Variants in MTHFD2L observed in about 807,000 individuals in gnomAD.
MTHFD2L encodes methylenetetrahydrofolate dehydrogenase (NADP+ dependent) 2 like.
MTHFD2L carries 29 observed loss-of-function variants against 34.9 expected under a neutral mutation model. The ratio of observed to expected loss-of-function variants is 0.83; its 90% CI spans 0.62 to 1.13. The LOEUF is 1.13. MTHFD2L is among the 50% of genes most tolerant of loss of function. The pLI is 0.00. For missense variants in MTHFD2L, 481 were observed against 446.5 expected (o/e 1.08, Z -0.70); for synonymous variants, 167 against 155.7 (o/e 1.07, Z -0.54).
At chr4:74,217,932 C>T (rs1737471088) in intron 5 of MTHFD2L, among the ~76,000 whole-genome samples, 1 of 152,076 alleles carries the variant, frequency 6.6e-6, no homozygotes, top group Admixed American at 6.6e-5. Context: ...AACAATCTGT[C>T]TTCCCTGACA....
chr4:74,201,643 T>C (rs1734457092), intron 5 of MTHFD2L, among the ~76,000 whole-genome samples: 1 of 151,614 alleles, frequency 6.6e-6, no homozygotes, highest in South Asian at 2.1e-4. Context: ...GCAAAGCTAC[T>C]AGATACAAAA....
At chr4:74,167,437 TAAAG>T (rs1726955964) in intron 1 of MTHFD2L, among the ~76,000 whole-genome samples, 1 of 152,012 alleles carries the variant, frequency 6.6e-6, no homozygotes, top group South Asian at 2.1e-4. Context: ...ATAATTGACA[TAAAG>T]AAATGGAGAG....
At chr4:74,163,427 C>G (rs972728194) in intron 1 of MTHFD2L, among the ~76,000 whole-genome samples, 2 of 152,080 alleles carry the variant, frequency 1.3e-5, no homozygotes, top group African/African-American at 4.8e-5. Flanking sequence ...TTCTTTCTGA[C>G]AAAGTTAGTT....
chr4:74,293,999 CCTT>C lies in MTHFD2L; in HGVS notation c.932-7691_932-7689del, dbSNP rs143321168. On this transcript the variant is annotated intron_variant, in intron 7 of 7. Transcript: ENST00000325278. ...TGCCTTGCCACAGATAAGGAATCATCCTTCTTCTTTTTGGGGGAGGGAGTTGAC... is the reference window on the plus strand; with the variant it reads ...TGCCTTGCCACAGATAAGGAATCATCCTTCTTTTTGGGGGAGGGAGTTGAC... Among the ~76,000 whole-genome samples, 1,434 of 152,184 alleles carry C rather than the reference CCTT, an allele frequency of 9.4e-3. 26 individuals are homozygous for C. The highest frequency in any genetic ancestry group is 0.033 in the African/African-American group (1,357 of 41,520).
At chr4:74,141,700 A>T (rs969798229) in intron 1 of MTHFD2L, among the ~76,000 whole-genome samples, 26 of 152,198 alleles carry the variant, frequency 1.7e-4, no homozygotes, top group Non-Finnish European at 1.0e-4. Flanking sequence ...CATCCATAAA[A>T]TAGGATAATT....
intron 6 of MTHFD2L, among the ~76,000 whole-genome samples, chr4:74,236,905 T>G (rs561937516): frequency 2.1e-3 from 320 of 151,538 alleles, no homozygotes; most frequent in African/African-American, 7.5e-3. Context: ...TCTTTTTAGG[T>G]TTTTTTTTAA....
intron 1 of MTHFD2L, among the ~76,000 whole-genome samples, chr4:74,138,911 C>G (rs1723119404): frequency 6.6e-6 from 1 of 152,250 alleles, no homozygotes; most frequent in Non-Finnish European, 1.5e-5. Context: ...TCTTTACCTC[C>G]TACTTTAGCC....
intron 5 of MTHFD2L, among the ~76,000 whole-genome samples, chr4:74,217,816 G>T (rs964302381): frequency 6.0e-5 from 9 of 149,124 alleles, no homozygotes; most frequent in African/African-American, 2.3e-4. Flanking sequence ...TAAGTAATAT[G>T]CTCTCCTCAT....
intron 2 of MTHFD2L, among the ~76,000 whole-genome samples, chr4:74,115,578 C>T (rs1721643246): frequency 6.6e-6 from 1 of 152,230 alleles, no homozygotes; most frequent in African/African-American, 2.4e-5. Flanking sequence ...TCAGTATGAA[C>T]ATGCCTTCAT....
At chr4:74,157,005 C>A (rs1290703688), upstream of MTHFD2L, 3 of 151,940 alleles carry the variant, frequency 2.0e-5, no homozygotes, top group Admixed American at 1.3e-4. Flanking sequence ...TGATTTGTTT[C>A]TTTATTAACA....
At chr4:74,230,864 A>G (rs962399578) in intron 6 of MTHFD2L, among the ~76,000 whole-genome samples, 4 of 152,142 alleles carry the variant, frequency 2.6e-5, no homozygotes, top group African/African-American at 9.7e-5. Context: ...AATTCTAGGA[A>G]TCTTCATTAT....
At chr4:74,295,987 C>T (rs999241355) in intron 7 of MTHFD2L, among the ~76,000 whole-genome samples, 3 of 152,154 alleles carry the variant, frequency 2.0e-5, no homozygotes, top group Admixed American at 1.3e-4. Flanking sequence ...ATATCACTGC[C>T]GTGGCTCAAT....
chr4:74,209,309 C>T (rs1036958031), intron 5 of MTHFD2L, among the ~76,000 whole-genome samples: 2 of 152,082 alleles, frequency 1.3e-5, no homozygotes, highest in Admixed American at 6.6e-5. Flanking sequence ...TGTCATCTAC[C>T]GTAGGTATTT....
Position 74,286,192 on chromosome 4 carries a change from C to A in MTHFD2L, c.931+4642C>A, listed in dbSNP as rs115722031. Among the ~76,000 whole-genome samples, 512 of 152,274 alleles carry A rather than the reference C, an allele frequency of 3.4e-3. 3 individuals are homozygous for A. The highest frequency in any genetic ancestry group is 0.012 in the African/African-American group (492 of 41,564). On this transcript the variant is annotated intron_variant, in intron 7 of 7. Transcript: ENST00000325278. ...ATTCCTCTTCTATTACTTGAACATACTTCCTCCCTCCTAACTTATGTCATT... is the reference window on the plus strand; with the variant it reads ...ATTCCTCTTCTATTACTTGAACATAATTCCTCCCTCCTAACTTATGTCATT...
chr4:74,146,812 A>G (rs1035742596), intron 1 of MTHFD2L, among the ~76,000 whole-genome samples: 1 of 152,126 alleles, frequency 6.6e-6, no homozygotes, highest in Non-Finnish European at 1.5e-5. Context: ...TATATCTTAT[A>G]GGCAATCTTC....
At chr4:74,147,072 A>T (rs1723637224) in intron 1 of MTHFD2L, among the ~76,000 whole-genome samples, 1 of 152,134 alleles carries the variant, frequency 6.6e-6, no homozygotes, top group African/African-American at 2.4e-5. Flanking sequence ...TTTCCTTAAA[A>T]ACGGTTCCCT....
intron 7 of MTHFD2L, among the ~76,000 whole-genome samples, chr4:74,293,117 A>G (rs1303140949): frequency 1.3e-5 from 2 of 152,160 alleles, no homozygotes; most frequent in East Asian, 1.9e-4. Context: ...ACATAGGTAT[A>G]CAAGTGTCAT....
At chr4:74,193,765 C>G (rs1732988148) in intron 3 of MTHFD2L, among the ~76,000 whole-genome samples, 1 of 152,098 alleles carries the variant, frequency 6.6e-6, no homozygotes, top group Non-Finnish European at 1.5e-5. Flanking sequence ...CTTATATTGA[C>G]TTTGTAATCT....
chr4:74,274,537 G>A (rs1687419804), intron 6 of MTHFD2L, among the ~76,000 whole-genome samples: 4 of 152,204 alleles, frequency 2.6e-5, no homozygotes, highest in African/African-American at 7.2e-5. Context: ...ATTTACAACA[G>A]AAGTTCTTGA....
Sources: gnomAD v4.1 joint callset for allele counts (sites outside exome capture counted in the v4.1 genomes callset) on GRCh38, gnomAD v4.1.1 for gene constraint, MANE v1.5 for transcripts, NCBI Gene and HGNC (gene_info 2026-07-23, HGNC 2026-07-21) for gene names.